NXN: variants seen among roughly 807,000 people sequenced by gnomAD.
The protein encoded by NXN is nucleoredoxin, also known as nucleoredoxin 1.
NXN carries 16 observed loss-of-function variants against 48.6 expected under a neutral mutation model. That is an observed-to-expected ratio of 0.33 (90% confidence interval 0.22 to 0.50). NXN has a LOEUF of 0.50. NXN is among the 20% of genes least tolerant of loss of function. The pLI is 0.98. For synonymous variants in NXN, 281 were observed against 269.6 expected, an observed-to-expected ratio of 1.04 and a Z score of -0.41; for missense variants, 492 against 605.5, an observed-to-expected ratio of 0.81 and a Z score of 1.97.
chr17:807,200 G>A (rs1460508899), intron 5 of NXN, among the ~76,000 whole-genome samples: 1 of 152,200 alleles, frequency 6.6e-6, no homozygotes, highest in African/African-American at 2.4e-5. Flanking sequence ...GGGACAGCTG[G>A]CCGCACAGGA....
At chr17:823,353 C>T (rs1224497366) in intron 3 of NXN, among the ~76,000 whole-genome samples, 4 of 146,936 alleles carry the variant, frequency 2.7e-5, no homozygotes, top group East Asian at 2.0e-4. Context: ...GAACTGAGAT[C>T]GCGCCACTGC....
chr17:804,264 T>G (rs1012464345), intron 6 of NXN, among the ~76,000 whole-genome samples: 5 of 147,890 alleles, frequency 3.4e-5, no homozygotes, highest in Non-Finnish European at 6.0e-5. Context: ...GACTGTGGTC[T>G]GGTCAGCGGC....
rs1238161686 is a variant in NXN at position 825,856 on chromosome 17, A to G, written c.478+105T>C. On this transcript the variant is annotated intron_variant, in intron 2 of 7. Transcript: ENST00000336868. The surrounding 1 kb of genome is among the most constrained non-coding windows in gnomAD (Gnocchi z 4.1). ...CTACCACGTAAACCCACGTGTATCT[A>G]TTTCACCAGTACTCTCTCCACCGGT... 1 of 718,890 alleles carries G rather than the reference A, an allele frequency of 1.4e-6. No individual in the cohort carries two copies. The highest frequency in any genetic ancestry group is 2.4e-6 in the Non-Finnish European group (1 of 412,580). 44.5% of individuals were successfully genotyped at this position (718,890 alleles called of 1,614,324 possible).
At chr17:803,013 G>C (rs1474129642) in intron 7 of NXN, among the ~76,000 whole-genome samples, 1 of 152,220 alleles carries the variant, frequency 6.6e-6, no homozygotes, top group Non-Finnish European at 1.5e-5. Context: ...TCAAGAATGA[G>C]AGCCTGCACC....
intron 1 of NXN, chr17:896,819 A>C: frequency 8.8e-7 from 1 of 1,142,524 alleles, no homozygotes; most frequent in Non-Finnish European, 1.1e-6. Context: ...ACCTCTGCAG[A>C]TCTCGAAGAT....
Position 920,683 on chromosome 17 carries a change from C to T in NXN, c.360+58636G>A, listed in dbSNP as rs892482421. On this transcript the variant is annotated intron_variant, in intron 1 of 7. Transcript: ENST00000336868. The surrounding 1 kb of genome is among the most constrained non-coding windows in gnomAD (Gnocchi z 4.6). ...TCATTCATACCGCCTTGCCAATCGCCCTCAAAATCACCTGGAAGATTCCAC... is the reference window on the plus strand; with the variant it reads ...TCATTCATACCGCCTTGCCAATCGCTCTCAAAATCACCTGGAAGATTCCAC... 6.6e-6 allele frequency among the ~76,000 whole-genome samples: 1 copy of T among 152,046 alleles called. No individual in the cohort carries two copies.
intron 1 of NXN, among the ~76,000 whole-genome samples, chr17:929,136 T>C (rs577801130): frequency 6.6e-6 from 1 of 152,322 alleles, no homozygotes; most frequent in African/African-American, 2.4e-5. Context: ...GTTTGTTAGC[T>C]TGAAAAATCA....
chr17:810,352 A>G (rs1456233827), intron 5 of NXN, among the ~76,000 whole-genome samples: 1 of 146,792 alleles, frequency 6.8e-6, no homozygotes, highest in African/African-American at 2.5e-5. Flanking sequence ...GTGTACGTTA[A>G]GAGTCCGTGT....
At chr17:829,220 G>T (rs549323964) in intron 1 of NXN, among the ~76,000 whole-genome samples, 1 of 151,274 alleles carries the variant, frequency 6.6e-6, no homozygotes, top group African/African-American at 2.4e-5. Flanking sequence ...ACAGTGGCAC[G>T]ATCTTGGCTC....
intron 1 of NXN, among the ~76,000 whole-genome samples, chr17:834,865 G>A (rs968196155): frequency 2.7e-5 from 4 of 150,066 alleles, no homozygotes; most frequent in East Asian, 2.1e-4. Flanking sequence ...CATGTTGGCT[G>A]GGCTGGTCTC....
intron 1 of NXN, among the ~76,000 whole-genome samples, chr17:841,469 CGGGCGAGCAGGTCCCCCCTGA>C (rs1567827596): frequency 4.5e-4 from 59 of 129,910 alleles, no homozygotes; most frequent in East Asian, 3.1e-3. Flanking sequence ...GCATCTCACA[CGGGCGAGCAGGTCCCCCCTGA>C]CCACGGCGCA....
intron 1 of NXN, among the ~76,000 whole-genome samples, chr17:897,729 G>A (rs980597989): frequency 6.6e-6 from 1 of 152,112 alleles, no homozygotes; most frequent in African/African-American, 2.4e-5. Flanking sequence ...AGGCTGGAGT[G>A]CAGTGGCACG....
Position 979,111 on chromosome 17 carries a change from G to T in NXN, c.360+208C>A, listed in dbSNP as rs1405603764. 9.3e-5 allele frequency among the ~76,000 whole-genome samples: 9 copies of T among 96,486 alleles called. 1 individual carries two copies. The highest frequency in any genetic ancestry group is 1.6e-4 in the Non-Finnish European group (8 of 50,328). 63.3% of individuals were successfully genotyped at this position (96,486 alleles called of 152,430 possible). Reference sequence around the variant, plus strand: ...GAGGGTGCGGGCACAGCGCGGAAGGGGGGGGGGCAGAGGCGGGGACGGCGG... The same window carrying T: ...GAGGGTGCGGGCACAGCGCGGAAGGTGGGGGGGCAGAGGCGGGGACGGCGG... On this transcript the variant is annotated intron_variant, in intron 1 of 7. Coordinates refer to ENST00000336868, the MANE Select transcript of NXN (RefSeq NM_022463.5).
chr17:823,557 A>G, intron 3 of NXN, 75 bp downstream of exon 3: 3 of 1,567,552 alleles, frequency 1.9e-6, no homozygotes, highest in Non-Finnish European at 2.6e-6. Flanking sequence ...CACCCCCAGA[A>G]GCCAACCACA....
chr17:960,788 A>ACTTTT (rs2069227383), intron 1 of NXN, among the ~76,000 whole-genome samples: 1 of 138,190 alleles, frequency 7.2e-6, no homozygotes, highest in African/African-American at 2.6e-5. Context: ...AATTAACTCG[A>ACTTTT]TTTTTTTTTT....
At chr17:887,859 G>A (rs1161292994) in intron 1 of NXN, among the ~76,000 whole-genome samples, 2 of 152,136 alleles carry the variant, frequency 1.3e-5, no homozygotes, top group Non-Finnish European at 2.9e-5. Flanking sequence ...GAACAGAGAG[G>A]CAAGGACGTG....
intron 2 of NXN, among the ~76,000 whole-genome samples, chr17:824,996 G>A (rs1291906323): frequency 1.3e-5 from 2 of 152,172 alleles, no homozygotes; most frequent in African/African-American, 2.4e-5. Context: ...TTGGGAGGCC[G>A]AGGTGGGCGG....
At chr17:822,753 T>C (rs146296649) in intron 3 of NXN, among the ~76,000 whole-genome samples, 1 of 152,284 alleles carries the variant, frequency 6.6e-6, no homozygotes, top group African/African-American at 2.4e-5. Context: ...AGCACCCGCA[T>C]TGTCCCTATG....
At chr17:878,076 T>C (rs751236882) in intron 1 of NXN, 3 of 151,984 alleles carry the variant, frequency 2.0e-5, no homozygotes, top group Non-Finnish European at 4.4e-5. Flanking sequence ...AGACGAGAGC[T>C]AAGTAGAATG....
Sources: gnomAD v4.1 joint callset for allele counts (sites outside exome capture counted in the v4.1 genomes callset) on GRCh38, gnomAD v4.1.1 for gene constraint, Gnocchi (gnomAD v3.1) non-coding constraint, MANE v1.5 for transcripts, NCBI Gene and HGNC (gene_info 2026-07-23, HGNC 2026-07-21) for gene names.